The following CSMD1 variants were observed in gnomAD, a reference collection of about 807,000 sequenced individuals.
CSMD1 encodes the protein CUB and Sushi multiple domains 1.
CSMD1 carries 213 observed loss-of-function variants against 417.5 expected under a neutral mutation model. That is an observed-to-expected ratio of 0.51 (90% confidence interval 0.46 to 0.57). The LOEUF is 0.57. Among genes scored for constraint, CSMD1 ranks in the 20% least tolerant of loss-of-function variants. The pLI is 0.00. For missense variants in CSMD1, 6,923 were observed against 4,529.7 expected, an observed-to-expected ratio of 1.53 and a Z score of -15.17; for synonymous variants, 2,862 against 1,736.8, an observed-to-expected ratio of 1.65 and a Z score of -16.11.
intron 26 of CSMD1, among the ~76,000 whole-genome samples, chr8:3,273,065 G>A (rs569296244): frequency 2.0e-5 from 3 of 152,076 alleles, no homozygotes; most frequent in Non-Finnish European, 4.4e-5. Context: ...ATTGGCTGTG[G>A]GTTTGTTATA....
intron 1 of CSMD1, among the ~76,000 whole-genome samples, chr8:4,755,612 C>T (rs1293414758): frequency 6.6e-6 from 1 of 152,148 alleles, no homozygotes; most frequent in African/African-American, 2.4e-5. Context: ...TGGAAAGTTA[C>T]TTTTCATCGT....
At chr8:4,473,854 A>C (rs537990406) in intron 2 of CSMD1, among the ~76,000 whole-genome samples, 4 of 152,334 alleles carry the variant, frequency 2.6e-5, no homozygotes, top group Non-Finnish European at 5.9e-5. Context: ...TGATCGTAGC[A>C]TATATAAGAA....
At chr8:3,928,382 T>G (rs959392212) in intron 5 of CSMD1, among the ~76,000 whole-genome samples, 2 of 151,974 alleles carry the variant, frequency 1.3e-5, no homozygotes, top group African/African-American at 4.8e-5. Flanking sequence ...CATAAAAAAA[T>G]GTGTAGGTAG....
intron 1 of CSMD1, among the ~76,000 whole-genome samples, chr8:4,752,220 T>C (rs2117054079): frequency 6.6e-6 from 1 of 152,266 alleles, no homozygotes; most frequent in South Asian, 2.1e-4. Context: ...TACTATCATA[T>C]CTTAATTTTT....
At position 3,118,516 on chromosome 8, in the gene CSMD1, C is replaced by T. The variant is rs764452740; in HGVS notation, c.6313G>A (p.Val2105Met). ...CACTCGAAAGATACTGATTGCCCCA[C>T]GCTGTAATCCGAGTTGATCATGTAC... ...NGYMINSDYS[V>M]GQSVSFECYP... The change falls in exon 42 of 70, where the codon GTG (valine) becomes ATG (methionine). Residue 2105 changes from valine to methionine, a missense_variant. Transcript: ENST00000635120. 17 of 1,613,882 alleles carry T rather than the reference C, an allele frequency of 1.1e-5. No homozygotes were observed. Among genetic ancestry groups the T allele is most frequent in the African/African-American group, 2.7e-5 (2 of 75,034 alleles).
intron 3 of CSMD1, among the ~76,000 whole-genome samples, chr8:4,114,948 G>C (rs948335960): frequency 6.6e-6 from 1 of 152,186 alleles, no homozygotes; most frequent in Non-Finnish European, 1.5e-5. Context: ...TCCTGGTAAA[G>C]ATGCCATAAA....
rs868163251 is a variant in CSMD1, at chr8:3,905,526, A to T, written c.818+92377T>A. On this transcript the variant is annotated intron_variant, in intron 5 of 69. Transcript: ENST00000635120. ...GTGCACCTGCTACCCAGCGTTTCTC[A>T]ACATTCAGCATGCATTCCCATCTCA... Among the ~76,000 whole-genome samples the T allele has an allele frequency of 2.3e-4, 35 of 152,322 alleles. No individual in the cohort carries two copies. In the Middle Eastern group the frequency reaches 0.014, roughly 59 times the overall value.
At chr8:4,943,257 C>T (rs888375069) in intron 1 of CSMD1, among the ~76,000 whole-genome samples, 13 of 152,108 alleles carry the variant, frequency 8.5e-5, no homozygotes, top group African/African-American at 7.2e-5. Flanking sequence ...GCACTTTGGG[C>T]GGCCCAGGCG....
chr8:4,514,129 C>G (rs1802983713), intron 2 of CSMD1, among the ~76,000 whole-genome samples: 2 of 152,214 alleles, frequency 1.3e-5, no homozygotes, highest in South Asian at 4.1e-4. Flanking sequence ...GATCAAGATT[C>G]ACACAGAGTG....
chr8:4,904,694 A>G (rs114415586), intron 1 of CSMD1, among the ~76,000 whole-genome samples: 1 of 152,224 alleles, frequency 6.6e-6, no homozygotes, highest in Non-Finnish European at 1.5e-5. Flanking sequence ...GGGGAAAACT[A>G]AAATGGAAGA....
At chr8:4,207,845 G>A (rs1451428050) in intron 3 of CSMD1, among the ~76,000 whole-genome samples, 2 of 152,132 alleles carry the variant, frequency 1.3e-5, no homozygotes, top group Admixed American at 1.3e-4. Flanking sequence ...CCCTGGTGAT[G>A]TCAGTGATAA....
chr8:3,596,590 A>G (rs144763837), intron 8 of CSMD1, among the ~76,000 whole-genome samples: 1 of 152,130 alleles, frequency 6.6e-6, no homozygotes, highest in African/African-American at 2.4e-5. Flanking sequence ...CTGTTCGGCA[A>G]ATATTTCCTC....
chr8:3,805,026 G>C (rs1367797200), intron 5 of CSMD1, among the ~76,000 whole-genome samples: 2 of 152,082 alleles, frequency 1.3e-5, no homozygotes, highest in Non-Finnish European at 2.9e-5. Context: ...GGCCTGGTTG[G>C]TCATATTCAC....
At chr8:3,720,289 C>G (rs112440966) in intron 6 of CSMD1, among the ~76,000 whole-genome samples, 1 of 152,022 alleles carries the variant, frequency 6.6e-6, no homozygotes, top group African/African-American at 2.4e-5. Flanking sequence ...ATCAATAGAG[C>G]TTACAGAAGA....
At chr8:3,388,375 C>T (rs1028874655) in intron 17 of CSMD1, among the ~76,000 whole-genome samples, 1 of 151,942 alleles carries the variant, frequency 6.6e-6, no homozygotes, top group Non-Finnish European at 1.5e-5. Context: ...TTTAGAAAAA[C>T]ATATATTTTA....
rs115557442 is a variant in CSMD1, at chr8:3,752,135, C to T, written c.931+1795G>A. 5.4e-3 allele frequency among the ~76,000 whole-genome samples: 827 copies of T among 152,260 alleles called. 5 individuals carry two copies. Among genetic ancestry groups the T allele is most frequent in the African/African-American group, 0.019 (774 of 41,550 alleles). ...ACGTCCATCCCACCTTTACTCCATTCTAACTACAGCCACAGTATATGGCAG... is the reference window on the plus strand; with the variant it reads ...ACGTCCATCCCACCTTTACTCCATTTTAACTACAGCCACAGTATATGGCAG... On this transcript the variant is annotated intron_variant, in intron 6 of 69. Transcript: ENST00000635120.
At chr8:4,553,867 T>A (rs1000128854) in intron 2 of CSMD1, among the ~76,000 whole-genome samples, 2 of 152,154 alleles carry the variant, frequency 1.3e-5, no homozygotes, top group Admixed American at 1.3e-4. Flanking sequence ...TGGGTTAGCA[T>A]AAACCAAAAC....
intron 5 of CSMD1, among the ~76,000 whole-genome samples, chr8:3,974,486 A>C (rs1287765641): frequency 6.6e-6 from 1 of 151,620 alleles, no homozygotes; most frequent in Non-Finnish European, 1.5e-5. Flanking sequence ...ATTAAAACAG[A>C]AAAAAAGTAT....
intron 7 of CSMD1, among the ~76,000 whole-genome samples, chr8:3,681,576 G>T (rs1247817019): frequency 2.0e-5 from 3 of 152,200 alleles, no homozygotes; most frequent in Admixed American, 6.5e-5. Context: ...CATGCTTATG[G>T]ATAGGAAGAG....
Sources: gnomAD v4.1 joint callset for allele counts (sites outside exome capture counted in the v4.1 genomes callset) on GRCh38, gnomAD v4.1.1 for gene constraint, MANE v1.5 for transcripts, NCBI Gene and HGNC (gene_info 2026-07-23, HGNC 2026-07-21) for gene names.